The following NPAS3 variants were observed in gnomAD, a reference collection of about 807,000 sequenced individuals.
NPAS3 encodes the protein neuronal PAS domain protein 3.
NPAS3 carries 14 observed loss-of-function variants against 73.1 expected under a neutral mutation model. That is an observed-to-expected ratio of 0.19 (90% CI 0.13 to 0.30). The LOEUF (loss-of-function observed/expected upper bound fraction) is 0.30. Among genes scored for constraint, NPAS3 ranks in the 10% least tolerant of loss-of-function variants. The pLI is 1.00. For missense variants in NPAS3, 1,096 were observed against 1,250.0 expected (o/e 0.88, Z 1.86); for synonymous variants, 620 against 541.5 (o/e 1.14, Z -2.01).
At chr14:33,793,292 T>A (rs1410280967) in intron 9 of NPAS3, among the ~76,000 whole-genome samples, 1 of 152,206 alleles carries the variant, frequency 6.6e-6, no homozygotes, top group Non-Finnish European at 1.5e-5. Flanking sequence ...ACTGGGGAAT[T>A]TATTTTGTTC....
intron 1 of NPAS3, among the ~76,000 whole-genome samples, chr14:32,942,844 G>A (rs1304564143): frequency 6.6e-6 from 1 of 152,112 alleles, no homozygotes; most frequent in Non-Finnish European, 1.5e-5. Flanking sequence ...AAATAGGATG[G>A]CCTTCATATC....
chr14:33,803,075 T>TGGCA (rs2063753393), downstream of NPAS3: 1 of 152,228 alleles, frequency 6.6e-6, no homozygotes, highest in East Asian at 1.9e-4. Flanking sequence ...CTCAGATATA[T>TGGCA]TAAATAAATT....
At chr14:33,159,458 A>G (rs922563507) in intron 2 of NPAS3, among the ~76,000 whole-genome samples, 4 of 152,154 alleles carry the variant, frequency 2.6e-5, no homozygotes, top group East Asian at 1.9e-4. Flanking sequence ...CTTTTGTCCA[A>G]AACTTAAATC....
At chr14:33,191,895 AT>A (rs2139511586) in intron 2 of NPAS3, among the ~76,000 whole-genome samples, 1 of 152,336 alleles carries the variant, frequency 6.6e-6, no homozygotes, top group East Asian at 1.9e-4. Flanking sequence ...TACCACAACA[AT>A]CCTAGGTCCC....
At chr14:33,091,996 C>G (rs929545615) in intron 2 of NPAS3, among the ~76,000 whole-genome samples, 15 of 152,140 alleles carry the variant, frequency 9.9e-5, no homozygotes, top group African/African-American at 2.9e-4. Context: ...CTATTTATAA[C>G]AAACCCACAG....
chr14:33,431,527 T>C (rs1396719590), intron 4 of NPAS3, among the ~76,000 whole-genome samples: 1 of 152,220 alleles, frequency 6.6e-6, no homozygotes, highest in African/African-American at 2.4e-5. Context: ...AGTGTTGACT[T>C]TATGGCTGCA....
chr14:33,059,229 A>G (rs540137498), intron 2 of NPAS3, among the ~76,000 whole-genome samples: 7 of 152,352 alleles, frequency 4.6e-5, no homozygotes, highest in Non-Finnish European at 8.8e-5. Flanking sequence ...TTTGAATTAC[A>G]TATTTAAAGA....
At chr14:33,192,782 G>A (rs1948051340) in intron 2 of NPAS3, among the ~76,000 whole-genome samples, 1 of 152,172 alleles carries the variant, frequency 6.6e-6, no homozygotes. Flanking sequence ...CATGGTGATT[G>A]CACTGTCGAG....
intron 5 of NPAS3, among the ~76,000 whole-genome samples, chr14:33,587,227 C>A (rs886807219): frequency 6.6e-6 from 1 of 152,082 alleles, no homozygotes; most frequent in Non-Finnish European, 1.5e-5. Context: ...TTAGTGTTGT[C>A]TCCTATATAA....
In NPAS3 at chr14:32,946,348, GCACA is replaced by G. The variant is rs3057257; in HGVS notation, c.50+7017_50+7020del. Among the ~76,000 whole-genome samples, 938 of 139,358 alleles carry G rather than the reference GCACA, an allele frequency of 6.7e-3. 6 individuals are homozygous for G. Among genetic ancestry groups the G allele is most frequent in the African/African-American group, 0.018 (649 of 36,650 alleles). 91.4% of individuals were successfully genotyped at this position (139,358 alleles called of 152,430 possible). ...CCATCCCCCCAACACACACACACGCGCACACACACACACACACACACACACACAC... is the reference window on the plus strand; with the variant it reads ...CCATCCCCCCAACACACACACACGCGCACACACACACACACACACACACAC... On this transcript the variant is annotated intron_variant, in intron 1 of 11. Coordinates refer to ENST00000356141, the Ensembl canonical transcript of NPAS3.
At chr14:33,219,531 G>C (rs779114546) in intron 3 of NPAS3, among the ~76,000 whole-genome samples, 7 of 152,112 alleles carry the variant, frequency 4.6e-5, no homozygotes, top group Non-Finnish European at 1.0e-4. Flanking sequence ...CAAGATATCT[G>C]GTGATTAAAA....
chr14:33,313,166 G>A (rs1184823827), intron 3 of NPAS3, among the ~76,000 whole-genome samples: 1 of 152,038 alleles, frequency 6.6e-6, no homozygotes, highest in Non-Finnish European at 1.5e-5. Flanking sequence ...CAGATTAAAT[G>A]TATTTGAATT....
chr14:32,963,858 G>A (rs112748608), intron 1 of NPAS3, among the ~76,000 whole-genome samples: 339 of 152,130 alleles, frequency 2.2e-3, no homozygotes, highest in African/African-American at 6.6e-3. Context: ...CTGATCCTCA[G>A]TATTAGGACT....
intron 1 of NPAS3, among the ~76,000 whole-genome samples, chr14:33,012,389 C>G (rs1475212614): frequency 1.3e-5 from 2 of 152,108 alleles, no homozygotes; most frequent in Non-Finnish European, 2.9e-5. Context: ...TGGATGTAAC[C>G]AAAGTTTAAA....
intron 3 of NPAS3, among the ~76,000 whole-genome samples, chr14:33,250,292 T>C (rs1427251818): frequency 2.6e-5 from 4 of 151,982 alleles, no homozygotes; most frequent in Non-Finnish European, 5.9e-5. Context: ...GAGTTTCTCA[T>C]TGCTGTCTTC....
intron 3 of NPAS3, among the ~76,000 whole-genome samples, chr14:33,342,181 C>G (rs970486229): frequency 6.6e-6 from 1 of 152,056 alleles, no homozygotes; most frequent in African/African-American, 2.4e-5. Context: ...AGAAGAAAAA[C>G]AGTTTGGAGA....
At chr14:32,997,756 C>G (rs2038639510) in intron 1 of NPAS3, among the ~76,000 whole-genome samples, 1 of 136,884 alleles carries the variant, frequency 7.3e-6, no homozygotes, top group Non-Finnish European at 1.5e-5. Flanking sequence ...AACCCCGTCT[C>G]TACTAAAAAA....
intron 1 of NPAS3, among the ~76,000 whole-genome samples, chr14:32,959,959 G>A (rs1185829376): frequency 2.7e-5 from 4 of 147,334 alleles, no homozygotes; most frequent in African/African-American, 1.0e-4. Flanking sequence ...ATCTAATGAT[G>A]TTTTATGTGA....
At chr14:33,153,168 A>T (rs1170427320) in intron 2 of NPAS3, among the ~76,000 whole-genome samples, 1 of 149,704 alleles carries the variant, frequency 6.7e-6, no homozygotes. Context: ...CTTGTTTTTT[A>T]CTTTTCTTCT....
Sources: allele counts gnomAD v4.1 joint callset (sites outside exome capture counted in the v4.1 genomes callset), GRCh38; gene constraint gnomAD v4.1.1; transcripts MANE v1.5; gene names NCBI Gene and HGNC (gene_info 2026-07-23, HGNC 2026-07-21).